The following SYN2 variants were observed in gnomAD, a reference collection of about 807,000 sequenced individuals.
The protein encoded by SYN2 is synapsin-2.
Under a neutral mutation model 50.9 loss-of-function variants are expected in SYN2, and 19 were observed. The observed-to-expected ratio is 0.37, with a 90% CI of 0.26 to 0.55. The LOEUF is 0.55. Ranked by LOEUF, SYN2 falls within the 20% of genes least tolerant of loss-of-function variation. The pLI, the probability that SYN2 is intolerant of heterozygous loss-of-function variation, is 0.81. For missense variants in SYN2, 587 were observed against 576.4 expected, an observed-to-expected ratio of 1.02 and a Z score of -0.19; for synonymous variants, 255 against 224.9, an observed-to-expected ratio of 1.13 and a Z score of -1.20.
In SYN2 at chr3:12,190,540, T is replaced by TC; in HGVS notation, c.1666dup (p.Arg556ProfsTer6). The TC allele has an allele frequency of 1.2e-6, 2 of 1,613,736 alleles. No individual in the cohort carries two copies. The highest frequency in any genetic ancestry group is 2.7e-5 in the African/African-American group (2 of 75,028). ...TTCAGCTTCTCTGAGTCCTCCTTCT[T>TC]CCGGTCTTCAGCCAATGAGGATGAA... On this transcript the variant is annotated frameshift_variant, in exon 13 of 13. Transcript: ENST00000621198. LOFTEE classifies it high-confidence loss of function.
At chr3:12,176,489 G>A (rs958548336) in intron 10 of SYN2, among the ~76,000 whole-genome samples, 1 of 152,174 alleles carries the variant, frequency 6.6e-6, no homozygotes, top group African/African-American at 2.4e-5. Context: ...CCGTTTGGCT[G>A]GTGGGTTAGA....
At chr3:12,084,149 T>C (rs182648442) in intron 1 of SYN2, among the ~76,000 whole-genome samples, 9 of 152,346 alleles carry the variant, frequency 5.9e-5, no homozygotes, top group Admixed American at 2.6e-4. Flanking sequence ...TTTTTTATAA[T>C]GTTAAGATGA....
chr3:12,151,183 A>G, intron 4 of SYN2, 54 bp from the exon 5 acceptor site: 2 of 1,279,284 alleles, frequency 1.6e-6, no homozygotes, highest in Non-Finnish European at 1.1e-6. Flanking sequence ...TTGATGTTTC[A>G]TCTGTTTCAG....
intron 1 of SYN2, among the ~76,000 whole-genome samples, chr3:12,068,649 T>C (rs1695274103): frequency 6.6e-6 from 1 of 152,192 alleles, no homozygotes; most frequent in African/African-American, 2.4e-5. Flanking sequence ...TATCAGTAGA[T>C]TTAAATTTTT....
chr3:12,052,767 GA>G (rs1694895565), intron 1 of SYN2, among the ~76,000 whole-genome samples: 1 of 152,284 alleles, frequency 6.6e-6, no homozygotes, highest in Non-Finnish European at 1.5e-5. Flanking sequence ...TCCAGAAAGA[GA>G]AAAACAGTTT....
chr3:12,057,470 A>G (rs909307150), intron 1 of SYN2, among the ~76,000 whole-genome samples: 1 of 152,298 alleles, frequency 6.6e-6, no homozygotes, highest in South Asian at 2.1e-4. Flanking sequence ...AAATTAGGCT[A>G]CAGGAAGGGA....
intron 1 of SYN2, chr3:12,070,639 C>A: frequency 1.5e-6 from 2 of 1,359,098 alleles, no homozygotes; most frequent in Non-Finnish European, 2.0e-6. Flanking sequence ...ATGTACGTGG[C>A]CATCCAGGCC....
At chr3:12,156,970 C>A in intron 5 of SYN2, 1 of 1,467,796 alleles carries the variant, frequency 6.8e-7, no homozygotes, top group South Asian at 1.1e-5. Context: ...AATATTGGGT[C>A]AGTGAGTGTA....
rs114452759 is a variant in SYN2, at chr3:12,020,717, T to C, written c.377+15789T>C. ...TAATGATTTACCTCCTCTCCCCTTCTTGGGGGTATTTATTTTGAGGTTTCC... is the reference window on the plus strand; with the variant it reads ...TAATGATTTACCTCCTCTCCCCTTCCTGGGGGTATTTATTTTGAGGTTTCC... On this transcript the variant is annotated intron_variant, in intron 1 of 12. Transcript: ENST00000621198. Among the ~76,000 whole-genome samples, 1,016 of 152,316 alleles carry C rather than the reference T, an allele frequency of 6.7e-3. 8 individuals are homozygous for C. The highest frequency in any genetic ancestry group is 0.023 in the African/African-American group (967 of 41,566).
chr3:12,136,405 C>A (rs1318043653), intron 1 of SYN2, among the ~76,000 whole-genome samples: 1 of 152,164 alleles, frequency 6.6e-6, no homozygotes, highest in East Asian at 1.9e-4. Flanking sequence ...TTATAAATGA[C>A]ACAACTAAGA....
Position 12,168,358 on chromosome 3 carries a change from C to A in SYN2, c.1056-18C>A. The A allele has an allele frequency of 1.9e-6, 3 of 1,608,956 alleles. No homozygotes were observed. Among genetic ancestry groups the A allele is most frequent in the Non-Finnish European group, 2.5e-6 (3 of 1,176,984 alleles). ...AGCGAATTGCCCCAGCTTCAGGACA[C>A]CTTCCCATCACCTCCAGGTACAAAC... On this transcript the variant is annotated intron_variant, in intron 8 of 12. Transcript: ENST00000621198.
At chr3:12,009,560 C>T (rs1425464040) in intron 1 of SYN2, among the ~76,000 whole-genome samples, 1 of 152,188 alleles carries the variant, frequency 6.6e-6, no homozygotes, top group African/African-American at 2.4e-5. Context: ...GGAACTAAAA[C>T]TCACATCTGA....
At chr3:12,142,269 C>T (rs966123514) in intron 3 of SYN2, among the ~76,000 whole-genome samples, 1 of 152,162 alleles carries the variant, frequency 6.6e-6, no homozygotes, top group African/African-American at 2.4e-5. Context: ...AGGATTATTT[C>T]CCCCAACCCC....
intron 10 of SYN2, among the ~76,000 whole-genome samples, chr3:12,182,877 G>T (rs915795906): frequency 5.3e-5 from 8 of 152,230 alleles, no homozygotes; most frequent in Admixed American, 3.9e-4. Context: ...GCCACCTATA[G>T]TCCAACCCTG....
intron 1 of SYN2, among the ~76,000 whole-genome samples, chr3:12,060,456 G>C (rs1185627477): frequency 1.3e-5 from 2 of 152,106 alleles, no homozygotes; most frequent in Admixed American, 6.6e-5. Context: ...TCACCTAAGG[G>C]GGAAGGGGAA....
chr3:12,064,157 A>G (rs1419436286), intron 1 of SYN2, among the ~76,000 whole-genome samples: 1 of 152,054 alleles, frequency 6.6e-6, no homozygotes, highest in African/African-American at 2.4e-5. Flanking sequence ...ACTTTGAGAA[A>G]AACATTAGAT....
chr3:12,082,185 G>C (rs1305693581), intron 1 of SYN2, among the ~76,000 whole-genome samples: 1 of 152,190 alleles, frequency 6.6e-6, no homozygotes, highest in Non-Finnish European at 1.5e-5. Context: ...TCCTCTGGTG[G>C]AGTCACATAG....
intron 1 of SYN2, among the ~76,000 whole-genome samples, chr3:12,074,297 A>C (rs796570288): frequency 2.5e-4 from 38 of 152,188 alleles, no homozygotes; most frequent in African/African-American, 8.9e-4. Context: ...TCTTAACTTG[A>C]AATTTTACAT....
chr3:12,058,636 A>C (rs1179324342), intron 1 of SYN2, among the ~76,000 whole-genome samples: 1 of 152,222 alleles, frequency 6.6e-6, no homozygotes, highest in Non-Finnish European at 1.5e-5. Context: ...GGGAAGGGGA[A>C]TATGAAAGCA....
Sources: gnomAD v4.1 joint callset for allele counts (sites outside exome capture counted in the v4.1 genomes callset) on GRCh38, gnomAD v4.1.1 for gene constraint, MANE v1.5 for transcripts, NCBI Gene and HGNC (gene_info 2026-07-23, HGNC 2026-07-21) for gene names.